RBFOX1: variants seen among roughly 807,000 people sequenced by gnomAD.
The protein encoded by RBFOX1 is RNA binding fox-1 homolog 1.
Under a neutral mutation model 57.7 loss-of-function variants are expected in RBFOX1, and 8 were observed. The observed-to-expected ratio is 0.14, with a 90% CI of 0.08 to 0.25. RBFOX1 has a LOEUF of 0.25. Ranked by LOEUF, RBFOX1 falls within the 10% of genes least tolerant of loss-of-function variation. RBFOX1 has a pLI of 1.00. For missense variants in RBFOX1, 611 were observed against 548.5 expected (o/e 1.11, Z -1.14); for synonymous variants, 326 against 222.4 (o/e 1.47, Z -4.15).
intron 1 of RBFOX1, among the ~76,000 whole-genome samples, chr16:6,314,756 C>G (rs1407314254): frequency 6.6e-6 from 1 of 152,102 alleles, no homozygotes; most frequent in Non-Finnish European, 1.5e-5. Flanking sequence ...GAAGTTTGGG[C>G]TGTACTAGGG....
intron 4 of RBFOX1, among the ~76,000 whole-genome samples, chr16:7,203,295 C>T (rs1049858711): frequency 3.3e-5 from 5 of 152,152 alleles, no homozygotes; most frequent in Non-Finnish European, 5.9e-5. Context: ...GTCACAAAAA[C>T]ACACGCACTG....
At chr16:7,341,776 C>CTTCCTTCCTTCCTTCCTTCCT (rs1568306565) in intron 4 of RBFOX1, among the ~76,000 whole-genome samples, 9 of 95,120 alleles carry the variant, frequency 9.5e-5, no homozygotes, top group African/African-American at 3.2e-4. Context: ...CCCTCCCTCC[C>CTTCCTTCCTTCCTTCCTTCCT]TCCTTCCTTC....
rs186100679 is a variant in RBFOX1, at chr16:6,436,433, C to G, written c.-64+119376C>G. Among the ~76,000 whole-genome samples the G allele has an allele frequency of 3.3e-5, 5 of 151,086 alleles. No homozygotes were observed. The East Asian group carries it at 9.8e-4, about 30-fold the overall frequency. On this transcript the variant is annotated intron_variant, in intron 2 of 15. Transcript: ENST00000550418. ...AAAACAGGTATTTAATTCCCTTATA[C>G]ATGATACAGACCAAATTGCAGTTGT...
chr16:5,827,592 C>G (rs1174157466), intron 3 of RBFOX1, among the ~76,000 whole-genome samples: 1 of 152,036 alleles, frequency 6.6e-6, no homozygotes, highest in African/African-American at 2.4e-5. Flanking sequence ...CTGCTTCTGT[C>G]TTAACTACTC....
At position 6,794,281 on chromosome 16, in the gene RBFOX1, T is replaced by C. The variant is rs796157611; in HGVS notation, c.-16+139631T>C. On this transcript the variant is annotated intron_variant, in intron 3 of 15. Coordinates refer to ENST00000550418, the MANE Select transcript of RBFOX1 (RefSeq NM_018723.4). ...TTGTGTGTTGTTTTCTTGTTCGTGA[T>C]TTTTTTTTTTTTTTTTTTTTACAAT... Among the ~76,000 whole-genome samples the C allele has an allele frequency of 3.0e-4, 4 of 13,122 alleles. 1 individual carries two copies. Among genetic ancestry groups the C allele is most frequent in the African/African-American group, 1.1e-3 (4 of 3,622 alleles). The allele number at this position is 13,122 out of a possible 152,430, so 8.6% of individuals were successfully genotyped here.
chr16:6,384,467 G>C (rs984081145), intron 2 of RBFOX1, among the ~76,000 whole-genome samples: 1 of 152,006 alleles, frequency 6.6e-6, no homozygotes, highest in African/African-American at 2.4e-5. Flanking sequence ...TTCCCTCCCA[G>C]AAGGCTTAAA....
At chr16:7,009,510 C>CAGACTTGCATTAATTGTGA (rs1440300822) in intron 3 of RBFOX1, among the ~76,000 whole-genome samples, 7 of 152,102 alleles carry the variant, frequency 4.6e-5, no homozygotes, top group Non-Finnish European at 7.4e-5. Context: ...ATCAATCCAA[C>CAGACTTGCATTAATTGTGA]AGACTTGCAT....
At chr16:7,024,837 C>T (rs144441476) in intron 3 of RBFOX1, among the ~76,000 whole-genome samples, 3 of 152,286 alleles carry the variant, frequency 2.0e-5, no homozygotes, top group East Asian at 1.9e-4. Flanking sequence ...GGTTCTCACA[C>T]GGGGCTGGGT....
chr16:7,550,852 G>C (rs947496805), intron 5 of RBFOX1, among the ~76,000 whole-genome samples: 12 of 152,064 alleles, frequency 7.9e-5, no homozygotes, highest in African/African-American at 2.4e-4. Context: ...CGAACGCTTT[G>C]AGAGGCCGAG....
chr16:5,454,894 CTTTCTTTCTTTCTTTCTTT>C, intron 1 of RBFOX1, among the ~76,000 whole-genome samples: 1 of 84,832 alleles, frequency 1.2e-5, no homozygotes, highest in Non-Finnish European at 2.5e-5. Flanking sequence ...TTCTTTCTTT[CTTTCTTTCTTTCTTTCTTT>C]CCTTTGTTTC....
At chr16:6,599,670 A>G (rs765026543) in intron 2 of RBFOX1, among the ~76,000 whole-genome samples, 1 of 152,186 alleles carries the variant, frequency 6.6e-6, no homozygotes, top group Non-Finnish European at 1.5e-5. Flanking sequence ...CATATGGCAG[A>G]GTGCTTCAGA....
In RBFOX1 at chr16:6,410,512, C is replaced by CATCCTG. The variant is rs978792960; in HGVS notation, c.-64+93455_-64+93456insATCCTG. Reference sequence around the variant, plus strand: ...ATTTTTAGTAGAGACGGGGTTTCACCGTGTTAGCCAGGATGGTCTGGATCT... The same window carrying CATCCTG: ...ATTTTTAGTAGAGACGGGGTTTCACCATCCTGGTGTTAGCCAGGATGGTCTGGATCT... On this transcript the variant is annotated intron_variant, in intron 2 of 15. Coordinates refer to ENST00000550418, the MANE Select transcript of RBFOX1 (RefSeq NM_018723.4). Among the ~76,000 whole-genome samples, 62 of 151,776 alleles carry CATCCTG rather than the reference C, an allele frequency of 4.1e-4. 1 individual carries two copies. The highest frequency in any genetic ancestry group is 1.5e-3 in the African/African-American group (62 of 41,300).
intron 3 of RBFOX1, among the ~76,000 whole-genome samples, chr16:6,952,647 TC>T (rs1289809352): frequency 6.6e-6 from 1 of 150,618 alleles, no homozygotes; most frequent in African/African-American, 2.4e-5. Flanking sequence ...CCCTCCTCCC[TC>T]CAAAAAAAAG....
chr16:5,432,994 C>G (rs994643973), intron 1 of RBFOX1, among the ~76,000 whole-genome samples: 2 of 152,074 alleles, frequency 1.3e-5, no homozygotes, highest in African/African-American at 4.8e-5. Context: ...CCATGTTGGC[C>G]AGGGTGGTCT....
intron 2 of RBFOX1, among the ~76,000 whole-genome samples, chr16:5,566,018 C>A (rs770220458): frequency 6.6e-6 from 1 of 152,132 alleles, no homozygotes; most frequent in Non-Finnish European, 1.5e-5. Flanking sequence ...TAAGAGGAAA[C>A]CCCTTTCTCT....
At chr16:7,076,510 C>CA (rs1251113756) in intron 4 of RBFOX1, among the ~76,000 whole-genome samples, 3 of 152,054 alleles carry the variant, frequency 2.0e-5, no homozygotes, top group African/African-American at 4.8e-5. Context: ...GCCTAATATA[C>CA]AAAAAATAAT....
chr16:5,736,293 C>T (rs1234058372), intron 3 of RBFOX1, among the ~76,000 whole-genome samples: 2 of 152,164 alleles, frequency 1.3e-5, no homozygotes, highest in Non-Finnish European at 2.9e-5. Context: ...CTTTAGAATT[C>T]TGAGCTGCCT....
At chr16:5,734,038 C>T (rs976281196) in intron 3 of RBFOX1, among the ~76,000 whole-genome samples, 5 of 152,126 alleles carry the variant, frequency 3.3e-5, no homozygotes, top group Non-Finnish European at 5.9e-5. Flanking sequence ...GTAATAAGAA[C>T]ATGCACGAAC....
chr16:7,601,932 C>T (rs2095046369), intron 9 of RBFOX1, among the ~76,000 whole-genome samples: 2 of 152,218 alleles, frequency 1.3e-5, no homozygotes, highest in African/African-American at 4.8e-5. Flanking sequence ...GTGCGAACCT[C>T]ACTTCTTTTT....
Sources: allele counts gnomAD v4.1 joint callset (sites outside exome capture counted in the v4.1 genomes callset), GRCh38; gene constraint gnomAD v4.1.1; transcripts MANE v1.5; gene names NCBI Gene and HGNC (gene_info 2026-07-23, HGNC 2026-07-21).